Variants in LRMDA observed in about 807,000 individuals in gnomAD.
LRMDA encodes leucine rich melanocyte differentiation associated.
LRMDA carries 18 observed loss-of-function variants against 29.8 expected under a neutral mutation model. The observed-to-expected ratio is 0.60, with a 90% CI of 0.42 to 0.90. The LOEUF (loss-of-function observed/expected upper bound fraction) is 0.90, where lower values mean the gene tolerates loss of function less well. Ranked by LOEUF, LRMDA falls within the 40% of genes least tolerant of loss-of-function variation. The pLI, the probability that LRMDA is intolerant of heterozygous loss-of-function variation, is 0.00. For synonymous variants in LRMDA, 125 were observed against 109.4 expected (o/e 1.14, Z -0.89); for missense variants, 273 against 273.9 (o/e 1.00, Z 0.02).
chr10:76,329,839 C>T (rs557238068), intron 6 of LRMDA, among the ~76,000 whole-genome samples: 1 of 152,116 alleles, frequency 6.6e-6, no homozygotes, highest in South Asian at 2.1e-4. Flanking sequence ...GAAAGAAAAA[C>T]TGTGTTTTTT....
chr10:75,761,851 T>G (rs1182939353), intron 2 of LRMDA, among the ~76,000 whole-genome samples: 2 of 150,218 alleles, frequency 1.3e-5, no homozygotes, highest in Non-Finnish European at 3.0e-5. Context: ...TCACCCAGGC[T>G]GGAATGCAGT....
chr10:75,443,718 G>C (rs942847399), intron 2 of LRMDA, among the ~76,000 whole-genome samples: 1 of 152,166 alleles, frequency 6.6e-6, no homozygotes, highest in African/African-American at 2.4e-5. Context: ...ACGTTTGAAA[G>C]TGTTCCCTAC....
At chr10:76,315,452 TG>T (rs894851685) in intron 5 of LRMDA, among the ~76,000 whole-genome samples, 2 of 152,212 alleles carry the variant, frequency 1.3e-5, no homozygotes, top group African/African-American at 4.8e-5. Flanking sequence ...GGCCTCTCCC[TG>T]CTCCCGGTGC....
chr10:75,538,559 A>G (rs1360229350), intron 2 of LRMDA, among the ~76,000 whole-genome samples: 1 of 152,140 alleles, frequency 6.6e-6, no homozygotes, highest in Non-Finnish European at 1.5e-5. Flanking sequence ...CACTTCACTG[A>G]GCATGAAGTG....
At chr10:76,179,955 G>C (rs1851012578) in intron 5 of LRMDA, among the ~76,000 whole-genome samples, 1 of 152,186 alleles carries the variant, frequency 6.6e-6, no homozygotes, top group South Asian at 2.1e-4. Flanking sequence ...GAAGGTATCA[G>C]TTTCTGCAAA....
chr10:76,384,513 G>A (rs1375031405), intron 6 of LRMDA, among the ~76,000 whole-genome samples: 3 of 152,112 alleles, frequency 2.0e-5, no homozygotes, highest in African/African-American at 7.2e-5. Context: ...CCAACTGTCT[G>A]CTCTCCAGTA....
chr10:75,769,602 T>G (rs1480082685), intron 2 of LRMDA, among the ~76,000 whole-genome samples: 1 of 152,184 alleles, frequency 6.6e-6, no homozygotes, highest in Non-Finnish European at 1.5e-5. Flanking sequence ...ATTTATTTTA[T>G]TTTTTTATAT....
chr10:76,343,182 G>GTA (rs1417258243), intron 6 of LRMDA, among the ~76,000 whole-genome samples: 2 of 152,184 alleles, frequency 1.3e-5, no homozygotes, highest in African/African-American at 2.4e-5. Context: ...CTGTTGCAGG[G>GTA]TATGGAAGTA....
intron 4 of LRMDA, among the ~76,000 whole-genome samples, chr10:76,057,896 A>G (rs770349773): frequency 7.9e-5 from 12 of 152,218 alleles, no homozygotes; most frequent in Non-Finnish European, 1.8e-4. Context: ...ATATAACTAT[A>G]CCCTGGCCAA....
At chr10:76,489,548 C>T (rs1036382060) in intron 6 of LRMDA, among the ~76,000 whole-genome samples, 9 of 151,516 alleles carry the variant, frequency 5.9e-5, no homozygotes, top group African/African-American at 2.2e-4. Flanking sequence ...ATTTTCTTCT[C>T]CTAATTTTGA....
intron 2 of LRMDA, among the ~76,000 whole-genome samples, chr10:75,462,025 G>A (rs150652911): frequency 2.7e-3 from 415 of 152,328 alleles, no homozygotes; most frequent in Middle Eastern, 6.8e-3. Context: ...AATCAAGTAC[G>A]CTAACTTGCA....
rs1441906742 is a variant in LRMDA at position 76,363,116 on chromosome 10, G to GGAAAGAAAAA, written c.601+38639_601+38640insAAGAAAGAAA. 2.5e-4 allele frequency among the ~76,000 whole-genome samples: 13 copies of GGAAAGAAAAA among 51,522 alleles called. No homozygotes were observed. In the South Asian group the frequency reaches 6.3e-3, roughly 25 times the overall value. The allele number at this position is 51,522 out of a possible 152,430, so 33.8% of individuals were successfully genotyped here. ...CTAGAGGTTTCAGCCTGTGGAGTAA[G>GGAAAGAAAAA]GAAAGAAAGAAAGAAAGAAAGAAAG... On this transcript the variant is annotated intron_variant, in intron 6 of 6. Transcript: ENST00000611255.
At chr10:76,123,741 ATC>A (rs1158512726) in intron 5 of LRMDA, among the ~76,000 whole-genome samples, 2 of 152,238 alleles carry the variant, frequency 1.3e-5, no homozygotes, top group Admixed American at 6.5e-5. Flanking sequence ...ATTCTGCAGC[ATC>A]TCAGAAACTG....
rs142596323 is a variant in LRMDA at position 75,436,607 on chromosome 10, A to G, written c.31-1787A>G. On this transcript the variant is annotated intron_variant, in intron 1 of 6. Transcript: ENST00000611255. Reference sequence around the variant, plus strand: ...CCTAGCCTCCTGAGTAGCTGGGACTACAGGCACTCCCCACCATGCCCGGCT... The same window carrying G: ...CCTAGCCTCCTGAGTAGCTGGGACTGCAGGCACTCCCCACCATGCCCGGCT... Among the ~76,000 whole-genome samples, 305 of 152,078 alleles carry G rather than the reference A, an allele frequency of 2.0e-3. 1 individual carries two copies. Among genetic ancestry groups the G allele is most frequent in the African/African-American group, 7.0e-3 (291 of 41,456 alleles).
intron 2 of LRMDA, among the ~76,000 whole-genome samples, chr10:75,733,256 T>C (rs1842720701): frequency 6.6e-6 from 1 of 152,222 alleles, no homozygotes; most frequent in Non-Finnish European, 1.5e-5. Flanking sequence ...AGTGGTGAGC[T>C]CTGCATCATT....
intron 2 of LRMDA, among the ~76,000 whole-genome samples, chr10:75,455,442 A>G (rs763874250): frequency 1.3e-5 from 2 of 152,206 alleles, no homozygotes; most frequent in Non-Finnish European, 2.9e-5. Context: ...GATAAGGCTA[A>G]TACAGGTGAA....
intron 5 of LRMDA, among the ~76,000 whole-genome samples, chr10:76,280,163 T>G (rs2132332872): frequency 6.6e-6 from 1 of 152,350 alleles, no homozygotes; most frequent in East Asian, 1.9e-4. Context: ...GAGGTATTTA[T>G]ACTTTGATTC....
At chr10:76,410,721 A>AG (rs1589170879) in intron 6 of LRMDA, among the ~76,000 whole-genome samples, 2 of 152,102 alleles carry the variant, frequency 1.3e-5, no homozygotes, top group African/African-American at 2.4e-5. Context: ...TGGGAGGCCA[A>AG]GGGGGGTGGA....
chr10:76,147,345 T>C (rs1190918458), intron 5 of LRMDA, among the ~76,000 whole-genome samples: 1 of 152,138 alleles, frequency 6.6e-6, no homozygotes, highest in African/African-American at 2.4e-5. Flanking sequence ...ATTTGGTCTT[T>C]TCACATAGTC....
Sources: allele counts gnomAD v4.1 joint callset (sites outside exome capture counted in the v4.1 genomes callset), GRCh38; gene constraint gnomAD v4.1.1; transcripts MANE v1.5; gene names NCBI Gene and HGNC (gene_info 2026-07-23, HGNC 2026-07-21).